BCAS1: variants seen among roughly 807,000 people sequenced by gnomAD.
The protein encoded by BCAS1 is breast carcinoma-amplified sequence 1.
Under a neutral mutation model 65.4 loss-of-function variants are expected in BCAS1, and 46 were observed. The observed-to-expected ratio is 0.70, with a 90% CI of 0.55 to 0.90. The LOEUF (loss-of-function observed/expected upper bound fraction) is 0.90, where lower values mean the gene tolerates loss of function less well. Ranked by LOEUF, BCAS1 falls within the 40% of genes least tolerant of loss-of-function variation. The pLI is 0.00. For synonymous variants in BCAS1, 298 were observed against 293.5 expected, an observed-to-expected ratio of 1.02 and a Z score of -0.16; for missense variants, 793 against 771.2, an observed-to-expected ratio of 1.03 and a Z score of -0.33.
chr20:54,028,881 C>A lies in BCAS1; in HGVS notation c.234G>T (p.Lys78Asn), dbSNP rs974809139. 1 of 1,613,996 alleles carries A rather than the reference C, an allele frequency of 6.2e-7. No homozygotes were observed. Residue 78 changes from lysine to asparagine, a missense_variant, in exon 4 of 13, where the codon AAG becomes AAT. By Grantham distance (94) the Lys-to-Asn change is moderately conservative. Coordinates refer to ENST00000688948, the MANE Select transcript of BCAS1 (RefSeq NM_001366298.2). ...CGGGTTTGGCCTCTTTCCCAAGATT[C>A]TTTCCGTTGGCATCCGCAACAGCAC... ...EISAVADANG[K>N]NLGKEAKPEA...
intron 4 of BCAS1, among the ~76,000 whole-genome samples, chr20:54,007,836 G>C (rs2091235175): frequency 6.6e-6 from 1 of 152,178 alleles, no homozygotes; most frequent in African/African-American, 2.4e-5. Flanking sequence ...AAGAACCCTG[G>C]ACATTATAGA....
intron 4 of BCAS1, among the ~76,000 whole-genome samples, chr20:54,024,771 A>T (rs2091635102): frequency 6.6e-6 from 1 of 152,198 alleles, no homozygotes; most frequent in African/African-American, 2.4e-5. Flanking sequence ...CTTGCAGGTC[A>T]GACCTACTAG....
chr20:54,012,290 C>T (rs1283632880), intron 4 of BCAS1, among the ~76,000 whole-genome samples: 1 of 152,076 alleles, frequency 6.6e-6, no homozygotes, highest in Non-Finnish European at 1.5e-5. Flanking sequence ...AGTCAGTATG[C>T]AGTATCCTTG....
intron 8 of BCAS1, among the ~76,000 whole-genome samples, chr20:53,976,455 G>C (rs1420466819): frequency 6.6e-6 from 1 of 151,984 alleles, no homozygotes; most frequent in African/African-American, 2.4e-5. Flanking sequence ...ATCCAGGGGA[G>C]GGGAAGACAG....
chr20:53,947,662 A>G (rs719204), intron 12 of BCAS1, among the ~76,000 whole-genome samples: 89,293 of 151,858 alleles, frequency 0.59, 26,696 homozygotes, highest in East Asian at 0.87. Flanking sequence ...CTTCAGTCAA[A>G]TTCCTGCCAG....
At chr20:53,965,969 A>T (rs2090015036) in intron 10 of BCAS1, among the ~76,000 whole-genome samples, 1 of 152,222 alleles carries the variant, frequency 6.6e-6, no homozygotes, top group Non-Finnish European at 1.5e-5. Flanking sequence ...AAAGGCCGAA[A>T]AAAAGAAATA....
intron 1 of BCAS1, chr20:54,068,394 G>A (rs1460161856): frequency 6.5e-6 from 1 of 154,260 alleles, no homozygotes; most frequent in Non-Finnish European, 1.5e-5. Flanking sequence ...GCAGCACCAG[G>A]GTGAGCATAG....
chr20:54,047,333 C>T (rs765348), intron 3 of BCAS1, among the ~76,000 whole-genome samples: 33,782 of 152,122 alleles, frequency 0.22, 3,776 homozygotes, highest in East Asian at 0.32. Context: ...ATAGGACCAG[C>T]CCAGAGGGGA....
chr20:53,985,270 T>C lies in BCAS1; in HGVS notation c.1275+17A>G, dbSNP rs1320615503. The C allele has an allele frequency of 6.2e-7, 1 of 1,611,854 alleles. No individual in the cohort carries two copies. The highest frequency in any genetic ancestry group is 1.7e-5 in the Admixed American group (1 of 60,012). On this transcript the variant is annotated intron_variant, in intron 8 of 12. Coordinates refer to ENST00000688948, the MANE Select transcript of BCAS1 (RefSeq NM_001366298.2). ...CCCCGCCCGGACGACTCTCTAACGC[T>C]TGAAAATCAGACTTACCTTTTTCCA...
chr20:53,996,156 ACTT>A (rs944410707), intron 4 of BCAS1, 106 bp from the exon 5 acceptor site: 75 of 1,228,368 alleles, frequency 6.1e-5, no homozygotes, highest in African/African-American at 2.4e-4. Flanking sequence ...TTCCAGCCAT[ACTT>A]CTTCTGCCCA....
chr20:53,943,868 ATCTTTGT>A lies in BCAS1; in HGVS notation c.*1047_*1053del, dbSNP rs2089219875. On this transcript the variant is annotated 3_prime_UTR_variant, in exon 13 of 13. Coordinates refer to ENST00000688948, the MANE Select transcript of BCAS1 (RefSeq NM_001366298.2). ...AATAATGTAAGATAGCAGAGACCAA[ATCTTTGT>A]TAGGGATACAGTATTACAGGATAAA... The A allele has an allele frequency of 6.6e-6, 1 of 152,158 alleles. No individual in the cohort carries two copies. The highest frequency in any genetic ancestry group is 1.5e-5 in the Non-Finnish European group (1 of 68,032). 9.4% of individuals were successfully genotyped at this position (152,158 alleles called of 1,614,324 possible). A position where few individuals can be genotyped will look rare whatever the true frequency, so the allele number is the denominator to read the frequency against.
At chr20:54,058,413 C>T (rs918428335) in intron 2 of BCAS1, among the ~76,000 whole-genome samples, 1 of 151,966 alleles carries the variant, frequency 6.6e-6, no homozygotes, top group African/African-American at 2.4e-5. Flanking sequence ...AGCTCTGACC[C>T]GTCGCACGGA....
rs899308376 is a variant in BCAS1 at position 53,986,002 on chromosome 20, G to T, written c.1063-503C>A. Among the ~76,000 whole-genome samples the T allele has an allele frequency of 2.6e-5, 4 of 152,114 alleles. No homozygotes were observed. In the East Asian group the frequency reaches 7.7e-4, roughly 29 times the overall value. ...AAATTTTTCTCCATACTCCACTTTG[G>T]GGATGACTGAGTTAGACTATAAAGT... On this transcript the variant is annotated intron_variant, in intron 7 of 12. Transcript: ENST00000688948.
intron 4 of BCAS1, among the ~76,000 whole-genome samples, chr20:54,014,815 T>C (rs2091399079): frequency 1.3e-5 from 2 of 152,148 alleles, no homozygotes; most frequent in Non-Finnish European, 2.9e-5. Flanking sequence ...TGGACAACAA[T>C]AGTCTCTGGA....
intron 8 of BCAS1, among the ~76,000 whole-genome samples, chr20:53,977,450 G>A (rs1055209410): frequency 6.6e-6 from 1 of 152,184 alleles, no homozygotes; most frequent in Non-Finnish European, 1.5e-5. Context: ...ATATTAGACT[G>A]AGAAAACCCT....
At chr20:53,952,728 A>G (rs2089566379) in intron 12 of BCAS1, among the ~76,000 whole-genome samples, 1 of 152,202 alleles carries the variant, frequency 6.6e-6, no homozygotes, top group African/African-American at 2.4e-5. Context: ...AAGGCAGACA[A>G]CTCATCACAT....
chr20:53,996,461 T>TAAAAAAAAAAAAAAAAAAAAAAA (rs143929524), intron 4 of BCAS1, among the ~76,000 whole-genome samples: 3 of 92,192 alleles, frequency 3.3e-5, no homozygotes, highest in Admixed American at 1.3e-4. Context: ...TTATATCAAC[T>TAAAAAAAAAAAAAAAAAAAAAAA]AAAAAAAAAA....
At chr20:54,038,732 C>G (rs754501833) in intron 3 of BCAS1, among the ~76,000 whole-genome samples, 1 of 151,284 alleles carries the variant, frequency 6.6e-6, no homozygotes, top group Non-Finnish European at 1.5e-5. Context: ...CATTATTCAC[C>G]GCCGAATCAT....
At position 53,995,923 on chromosome 20, in the gene BCAS1, T is replaced by C. The variant is rs1320707557; in HGVS notation, c.851A>G (p.Asn284Ser). 1.9e-6 allele frequency: 3 copies of C among 1,611,894 alleles called. No homozygotes were observed. Among genetic ancestry groups the C allele is most frequent in the Admixed American group, 1.7e-5 (1 of 59,618 alleles). ...TTTAAAGAAACTCATGATGGAATTATTATTCTCTGCTATAGCTGCTGCCTG... is the reference window on the plus strand; with the variant it reads ...TTTAAAGAAACTCATGATGGAATTACTATTCTCTGCTATAGCTGCTGCCTG... ...DSQAAAIAEN[N>S]NSIMSFFKTL... Residue 284 changes from asparagine (N) to serine (S), a missense_variant, in exon 5 of 13, where the codon AAT becomes AGT. Transcript: ENST00000688948.
Sources: allele counts gnomAD v4.1 joint callset (sites outside exome capture counted in the v4.1 genomes callset), GRCh38; gene constraint gnomAD v4.1.1; transcripts MANE v1.5; gene names NCBI Gene and HGNC (gene_info 2026-07-23, HGNC 2026-07-21).